DNAH1: variants seen among roughly 807,000 people sequenced by gnomAD.
DNAH1 encodes the protein dynein axonemal heavy chain 1, also known as axonemal beta dynein heavy chain 1.
DNAH1 carries 327 observed loss-of-function variants against 484.3 expected under a neutral mutation model. The observed-to-expected ratio is 0.68, with a 90% CI of 0.62 to 0.74. The LOEUF is 0.74. Ranked by LOEUF, DNAH1 falls within the 30% of genes least tolerant of loss-of-function variation. The pLI is 0.00. For synonymous variants in DNAH1, 2,192 were observed against 2,191.9 expected (o/e 1.00, Z 0.00); for missense variants, 5,052 against 5,546.8 (o/e 0.91, Z 2.83).
Position 52,373,048 on chromosome 3 carries a change from T to A in DNAH1, c.6980T>A (p.Ile2327Asn), listed in dbSNP as rs1407757530. Reference protein sequence around the residue: ...MDHGGWYDRKIIGAFKNLVDI... With the variant: ...MDHGGWYDRKNIGAFKNLVDI... Reference sequence around the variant, plus strand: ...CACGGCGGCTGGTACGACCGCAAGATCATTGGTGAGTGTGGCCGGCCTGGC... The same window carrying A: ...CACGGCGGCTGGTACGACCGCAAGAACATTGGTGAGTGTGGCCGGCCTGGC... Residue 2327 changes from isoleucine (I) to asparagine (N), a missense_variant, in exon 44 of 78, where the codon ATC becomes AAC. Ile to Asn is a moderately radical substitution (Grantham distance 149). Coordinates refer to ENST00000420323, the MANE Select transcript of DNAH1 (RefSeq NM_015512.5). The A allele has an allele frequency of 6.2e-7, 1 of 1,610,726 alleles. No individual in the cohort carries two copies. Among genetic ancestry groups the A allele is most frequent in the East Asian group, 2.2e-5 (1 of 44,820 alleles).
chr3:52,347,557 A>G (rs984833491), intron 11 of DNAH1, among the ~76,000 whole-genome samples: 2 of 152,182 alleles, frequency 1.3e-5, no homozygotes, highest in African/African-American at 4.8e-5. Flanking sequence ...TACAATGCCT[A>G]GGCCCTGGCA....
intron 1 of DNAH1, among the ~76,000 whole-genome samples, chr3:52,319,578 A>G (rs1033042653): frequency 1.3e-5 from 2 of 152,224 alleles, no homozygotes; most frequent in Admixed American, 1.3e-4. Context: ...TCCCTTCAAC[A>G]TACAGGGGGA....
chr3:52,339,648 T>G (rs937092918), intron 8 of DNAH1, among the ~76,000 whole-genome samples: 1 of 152,206 alleles, frequency 6.6e-6, no homozygotes, highest in Admixed American at 6.5e-5. Context: ...GATGCTCTCT[T>G]TTTCTTATAG....
At chr3:52,374,034 T>C (rs907904880) in intron 44 of DNAH1, 1 of 1,022,532 alleles carries the variant, frequency 9.8e-7, no homozygotes, top group Non-Finnish European at 1.5e-6. Context: ...AAGAAATATA[T>C]TGATCAGAAG....
intron 52 of DNAH1, among the ~76,000 whole-genome samples, chr3:52,384,548 C>T (rs1704010949): frequency 1.3e-5 from 2 of 152,212 alleles, no homozygotes; most frequent in South Asian, 4.1e-4. Flanking sequence ...GCCAGCCCAG[C>T]CCTTGACAGC....
chr3:52,334,082 T>C (rs1274936949), intron 8 of DNAH1, among the ~76,000 whole-genome samples: 1 of 152,216 alleles, frequency 6.6e-6, no homozygotes, highest in African/African-American at 2.4e-5. Flanking sequence ...ATTTCATCAT[T>C]GTGCAAACAT....
chr3:52,389,106 T>G (rs1259794385), intron 59 of DNAH1, among the ~76,000 whole-genome samples, 169 bp downstream of exon 59: 1 of 152,204 alleles, frequency 6.6e-6, no homozygotes, highest in African/African-American at 2.4e-5. Flanking sequence ...TGTAAAGCAC[T>G]GGGGATACAG....
chr3:52,360,951 C>A (rs577054649), intron 28 of DNAH1, among the ~76,000 whole-genome samples: 1 of 152,070 alleles, frequency 6.6e-6, no homozygotes, highest in Non-Finnish European at 1.5e-5. Flanking sequence ...CCAGGGGTCC[C>A]TGGGCAAAGC....
chr3:52,389,892 A>T (rs1294763631), intron 60 of DNAH1, among the ~76,000 whole-genome samples: 1 of 151,968 alleles, frequency 6.6e-6, no homozygotes, highest in Non-Finnish European at 1.5e-5. Flanking sequence ...TGGGTGGATC[A>T]CCTGAGGTCA....
At chr3:52,333,133 A>G (rs1701613976) in intron 8 of DNAH1, among the ~76,000 whole-genome samples, 1 of 151,952 alleles carries the variant, frequency 6.6e-6, no homozygotes, top group Non-Finnish European at 1.5e-5. Context: ...TAAATCTCCC[A>G]CCTTGGCTTC....
At chr3:52,374,452 G>A (rs1230265359) in intron 44 of DNAH1, 2 of 1,347,540 alleles carry the variant, frequency 1.5e-6, no homozygotes, top group East Asian at 2.3e-5. Flanking sequence ...AAGACTCACA[G>A]TCCAAAAGAA....
In DNAH1 at chr3:52,386,252, T is replaced by C. The variant is rs952273941; in HGVS notation, c.8718T>C (p.Ala2906=). The C allele has an allele frequency of 6.2e-7, 1 of 1,613,070 alleles. No homozygotes were observed. The highest frequency in any genetic ancestry group is 8.5e-7 in the Non-Finnish European group (1 of 1,179,536). The change falls in exon 55 of 78, where the codon GCT becomes GCC. Residue 2906 remains alanine (A), a synonymous_variant. Coordinates refer to ENST00000420323, the MANE Select transcript of DNAH1 (RefSeq NM_015512.5). The part of the protein sequence containing the change: ...NEKAKKAQAI[A]DDAQKDLDEA... ...AGGCCAAGAAGGCACAAGCTATTGC[T>C]GACGATGCCCAGAAGGACCTGGACG... is the stretch of plus-strand genomic sequence containing the variant.
chr3:52,385,514 G>A lies in DNAH1; in HGVS notation c.8625+67G>A, dbSNP rs1024063861. The A allele has an allele frequency of 1.6e-5, 21 of 1,343,594 alleles. No homozygotes were observed. In the African/African-American group the frequency reaches 2.5e-4, roughly 16 times the overall value. 83.2% of individuals were successfully genotyped at this position (1,343,594 alleles called of 1,614,324 possible). A position where few individuals can be genotyped will look rare whatever the true frequency, so the allele number is the denominator to read the frequency against. On this transcript the variant is annotated intron_variant, in intron 54 of 77. Transcript: ENST00000420323. ...GGAAGCTCGGCACCCCCACACAGGC[G>A]CAGGCTCGCTAGCTGCCTGGCCACT...
At chr3:52,334,326 G>C (rs557929234) in intron 8 of DNAH1, among the ~76,000 whole-genome samples, 2 of 152,222 alleles carry the variant, frequency 1.3e-5, no homozygotes, top group Admixed American at 6.5e-5. Context: ...ACCATGAATG[G>C]AGCCTGCAGG....
At position 52,395,980 on chromosome 3, in the gene DNAH1, C is replaced by T. The variant is rs147835968; in HGVS notation, c.11259+302C>T. Among the ~76,000 whole-genome samples the T allele has an allele frequency of 4.1e-3, 619 of 150,860 alleles. 6 individuals carry two copies. Among genetic ancestry groups the T allele is most frequent in the South Asian group, 0.023 (110 of 4,704 alleles). On this transcript the variant is annotated intron_variant, in intron 70 of 77. Transcript: ENST00000420323. This position sits in a 1 kb window ranked among gnomAD's most constrained non-coding sequence, Gnocchi z 4.4. The stretch of plus-strand genomic sequence containing the variant: ...TTCAGACGGAGTCTCACTCTGTCAC[C>T]GGGGCTGGGGTGCAGTGGTGCAATC...
Position 52,358,709 on chromosome 3 carries a change from T to C in DNAH1, c.4238T>C (p.Ile1413Thr), listed in dbSNP as rs1702723817. 1 of 1,612,878 alleles carries C rather than the reference T, an allele frequency of 6.2e-7. No homozygotes were observed. The highest frequency in any genetic ancestry group is 8.5e-7 in the Non-Finnish European group (1 of 1,179,732). The change falls in exon 25 of 78, where the codon ATT (isoleucine) becomes ACT (threonine). Residue 1413 changes from isoleucine to threonine, a missense_variant. Coordinates refer to ENST00000420323, the MANE Select transcript of DNAH1 (RefSeq NM_015512.5). This position sits in a 1 kb window ranked among gnomAD's most constrained non-coding sequence, Gnocchi z 4.2. ...ATGAAGGCCAGTGTGCACGACATCA[T>C]TGAGAAGGCCATCAGGGCCTACCCC... ...RSMKASVHDIIEKAIRAYPTM... is the reference protein window; with the variant it reads ...RSMKASVHDITEKAIRAYPTM...
chr3:52,372,277 C>G lies in DNAH1; in HGVS notation c.6717C>G (p.Asp2239Glu). 1.2e-6 allele frequency: 2 copies of G among 1,613,984 alleles called. No individual in the cohort carries two copies. Among genetic ancestry groups the G allele is most frequent in the Non-Finnish European group, 1.7e-6 (2 of 1,179,860 alleles). Residue 2239 changes from aspartate to glutamate, a missense_variant, in exon 43 of 78, where the codon GAC (aspartate) becomes GAG (glutamate). By Grantham distance (45) the Asp-to-Glu change is conservative. Coordinates refer to ENST00000420323, the MANE Select transcript of DNAH1 (RefSeq NM_015512.5). ...TGTGKTLTIS[D>E]KLLKNLALDY... ...CGGGGAAGACGCTCACCATCTCTGA[C>G]AAGCTCCTCAAGAACCTGGCACTGG...
chr3:52,332,410 G>A lies in DNAH1; in HGVS notation c.1286+16G>A, dbSNP rs190176840. Reference sequence around the variant, plus strand: ...AAGGCCCCTCGTGAGTCCCCGCTCGGCCTTCCCTATTCTGGGCATCACCTT... The same window carrying A: ...AAGGCCCCTCGTGAGTCCCCGCTCGACCTTCCCTATTCTGGGCATCACCTT... On this transcript the variant is annotated intron_variant, in intron 8 of 77. Coordinates refer to ENST00000420323, the MANE Select transcript of DNAH1 (RefSeq NM_015512.5). 5.0e-3 allele frequency: 7,982 copies of A among 1,608,734 alleles called. 48 individuals carry two copies. Among genetic ancestry groups the A allele is most frequent in the South Asian group, 0.015 (1,368 of 91,062 alleles).
rs200242090 is a variant in DNAH1 at position 52,396,686 on chromosome 3, G to T, written c.11499G>T (p.Lys3833Asn). ...ATGGGAACGCCCTGGAGCGCCGTAA[G>T]TTTGGGCCCCTGGGCTTCAACATCC... ...LFHGNALERR[K>N]FGPLGFNIPY... The change falls in exon 72 of 78, where the codon AAG (lysine) becomes AAT (asparagine). Residue 3833 changes from lysine to asparagine, a missense_variant. Lys to Asn is a moderately conservative substitution (Grantham distance 94, BLOSUM62 0). This residue lies in a region of DNAH1 where 853 missense variants were observed against 899.0 expected (regional missense o/e 0.95). Coordinates refer to ENST00000420323, the MANE Select transcript of DNAH1 (RefSeq NM_015512.5). 6.2e-7 allele frequency: 1 copy of T among 1,613,768 alleles called. No individual in the cohort carries two copies. The highest frequency in any genetic ancestry group is 1.3e-5 in the African/African-American group (1 of 75,016).
Sources: allele counts gnomAD v4.1 joint callset (sites outside exome capture counted in the v4.1 genomes callset), GRCh38; gene constraint gnomAD v4.1.1; regional missense constraint gnomAD v4.1.1; non-coding constraint Gnocchi (gnomAD v3.1); transcripts MANE v1.5; gene names NCBI Gene and HGNC (gene_info 2026-07-23, HGNC 2026-07-21).